Variants in ROBO2 observed in about 807,000 individuals in gnomAD.
The protein encoded by ROBO2 is roundabout guidance receptor 2.
Under a neutral mutation model 160.8 loss-of-function variants are expected in ROBO2, and 53 were observed. The observed-to-expected ratio is 0.33, with a 90% CI of 0.26 to 0.41. The LOEUF (loss-of-function observed/expected upper bound fraction) is 0.41. Ranked by LOEUF, ROBO2 falls within the 10% of genes least tolerant of loss-of-function variation. ROBO2 has a pLI of 1.00. For missense variants in ROBO2, 1,577 were observed against 1,722.4 expected (o/e 0.92, Z 1.49); for synonymous variants, 664 against 611.7 (o/e 1.09, Z -1.26).
chr3:77,219,489 G>GTA (rs10654899), intron 2 of ROBO2, among the ~76,000 whole-genome samples: 10,586 of 111,146 alleles, frequency 0.095, 543 homozygotes, highest in African/African-American at 0.15. Context: ...TATATAATCT[G>GTA]TATATATATA....
chr3:76,473,412 T>C (rs1232148214), intron 2 of ROBO2, among the ~76,000 whole-genome samples: 1 of 152,174 alleles, frequency 6.6e-6, no homozygotes, highest in Admixed American at 6.6e-5. Context: ...ATTTTTGCTT[T>C]TGACAAGTAT....
intron 2 of ROBO2, among the ~76,000 whole-genome samples, chr3:77,295,003 G>C (rs1407146710): frequency 2.7e-5 from 4 of 150,910 alleles, no homozygotes; most frequent in Non-Finnish European, 5.9e-5. Context: ...CGGTTAAACG[G>C]ATAAGCTGAG....
In ROBO2 at chr3:76,969,222, GT is replaced by G. The variant is rs1413931457; in HGVS notation, c.110-128791del. Among the ~76,000 whole-genome samples, 3 of 152,212 alleles carry G rather than the reference GT, an allele frequency of 2.0e-5. No individual in the cohort carries two copies. In the East Asian group the frequency reaches 5.8e-4, roughly 29 times the overall value. On this transcript the variant is annotated intron_variant, in intron 2 of 26. Transcript: ENST00000487694. ...AGATTTTAGAATCAATACAGTAAAT[GT>G]GTTAATATAAAAAAAGTTAAAAGAT...
intron 2 of ROBO2, among the ~76,000 whole-genome samples, chr3:76,196,218 G>A (rs1702255232): frequency 6.6e-6 from 1 of 152,088 alleles, no homozygotes; most frequent in African/African-American, 2.4e-5. Context: ...AATGGTGCAA[G>A]CTGCAGTAAG....
chr3:76,545,593 A>G (rs1297219655), intron 2 of ROBO2, among the ~76,000 whole-genome samples: 1 of 151,956 alleles, frequency 6.6e-6, no homozygotes, highest in Non-Finnish European at 1.5e-5. Context: ...AATCATGTTC[A>G]GTTACAGCCT....
chr3:76,061,457 A>G (rs2068067105), intron 2 of ROBO2, among the ~76,000 whole-genome samples: 1 of 152,232 alleles, frequency 6.6e-6, no homozygotes, highest in Non-Finnish European at 1.5e-5. Flanking sequence ...TTCTGTAACT[A>G]AAGGTGGACA....
intron 2 of ROBO2, among the ~76,000 whole-genome samples, chr3:76,058,877 C>G (rs2107866400): frequency 6.9e-6 from 1 of 144,104 alleles, no homozygotes; most frequent in South Asian, 2.2e-4. Context: ...TCAATTCCCA[C>G]CTATGAGTGA....
intron 2 of ROBO2, among the ~76,000 whole-genome samples, chr3:77,425,203 A>G (rs2078072167): frequency 6.6e-6 from 1 of 152,028 alleles, no homozygotes; most frequent in Non-Finnish European, 1.5e-5. Flanking sequence ...AAGAAAAAAA[A>G]AAAAAAAAGA....
intron 16 of ROBO2, among the ~76,000 whole-genome samples, chr3:77,584,102 G>A (rs1389717403): frequency 6.6e-6 from 1 of 152,084 alleles, no homozygotes; most frequent in Non-Finnish European, 1.5e-5. Context: ...TGTAAGGGGA[G>A]AGTATACACA....
chr3:75,935,375 G>A (rs1236665825), intron 1 of ROBO2, among the ~76,000 whole-genome samples: 1 of 151,972 alleles, frequency 6.6e-6, no homozygotes, highest in Admixed American at 6.6e-5. Context: ...AGCCGGGGAT[G>A]GTGGTGCGTG....
At chr3:77,300,133 C>T (rs371343240) in intron 2 of ROBO2, among the ~76,000 whole-genome samples, 130 of 151,044 alleles carry the variant, frequency 8.6e-4, no homozygotes, top group African/African-American at 2.9e-3. Context: ...AGATTTACAG[C>T]AAAAGGGAAA....
intron 2 of ROBO2, among the ~76,000 whole-genome samples, chr3:76,319,102 A>G (rs1407790314): frequency 1.3e-5 from 2 of 152,184 alleles, no homozygotes; most frequent in African/African-American, 4.8e-5. Context: ...GGAATTCATC[A>G]GGGCTTATGG....
chr3:77,314,274 A>C (rs1253489757), intron 2 of ROBO2, among the ~76,000 whole-genome samples: 1 of 152,216 alleles, frequency 6.6e-6, no homozygotes, highest in Non-Finnish European at 1.5e-5. Flanking sequence ...CTGCAAATCT[A>C]AAACCCCAAT....
chr3:76,324,743 TG>T (rs1169333947), intron 2 of ROBO2, among the ~76,000 whole-genome samples: 1 of 152,124 alleles, frequency 6.6e-6, no homozygotes, highest in Non-Finnish European at 1.5e-5. Context: ...AAAACTTCTC[TG>T]GAAAAAAAAG....
At position 76,952,282 on chromosome 3, in the gene ROBO2, T is replaced by G. The variant is rs184133455; in HGVS notation, c.110-145732T>G. Among the ~76,000 whole-genome samples, 254 of 152,238 alleles carry G rather than the reference T, an allele frequency of 1.7e-3. 1 individual carries two copies. Among genetic ancestry groups the G allele is most frequent in the African/African-American group, 5.2e-3 (215 of 41,516 alleles). ...CTGCATTGTAACCTATTTTTATTTT[T>G]ATTTTTATTTTTTTTTTGAGACAGA... On this transcript the variant is annotated intron_variant, in intron 2 of 26. Transcript: ENST00000487694.
At chr3:76,103,051 C>T (rs2069767142) in intron 2 of ROBO2, among the ~76,000 whole-genome samples, 1 of 152,064 alleles carries the variant, frequency 6.6e-6, no homozygotes, top group Non-Finnish European at 1.5e-5. Context: ...TCTCAATCTC[C>T]TGACCTCGTG....
intron 2 of ROBO2, among the ~76,000 whole-genome samples, chr3:77,240,301 C>T (rs956975688): frequency 2.6e-5 from 4 of 152,278 alleles, no homozygotes; most frequent in East Asian, 3.9e-4. Flanking sequence ...CTGGGGGACC[C>T]GGCGCTCCCT....
chr3:77,598,179 A>T (rs770651036), intron 19 of ROBO2, among the ~76,000 whole-genome samples: 14 of 152,090 alleles, frequency 9.2e-5, no homozygotes, highest in Non-Finnish European at 1.5e-4. Flanking sequence ...GGTTAATTTC[A>T]TATGTATGAG....
chr3:76,496,485 A>G (rs2080160089), intron 2 of ROBO2, among the ~76,000 whole-genome samples: 1 of 152,208 alleles, frequency 6.6e-6, no homozygotes, highest in Non-Finnish European at 1.5e-5. Context: ...ATATGTTACT[A>G]AAGGCTTATT....
Sources: gnomAD v4.1 joint callset for allele counts (sites outside exome capture counted in the v4.1 genomes callset) on GRCh38, gnomAD v4.1.1 for gene constraint, MANE v1.5 for transcripts, NCBI Gene and HGNC (gene_info 2026-07-23, HGNC 2026-07-21) for gene names.